The following KCNQ5 variants were observed in gnomAD, a reference collection of about 807,000 sequenced individuals.
KCNQ5 encodes the protein potassium voltage-gated channel subfamily Q member 5, also known as potassium voltage-gated channel subfamily KQT member 5.
KCNQ5 carries 30 observed loss-of-function variants against 98.2 expected under a neutral mutation model. That is an observed-to-expected ratio of 0.31 (90% CI 0.23 to 0.41). KCNQ5 has a LOEUF of 0.41. Among genes scored for constraint, KCNQ5 ranks in the 10% least tolerant of loss-of-function variants. KCNQ5 has a pLI of 1.00. For synonymous variants in KCNQ5, 458 were observed against 449.4 expected (o/e 1.02, Z -0.24); for missense variants, 835 against 1,182.5 (o/e 0.71, Z 4.31).
chr6:72,709,004 T>A (rs927358169), intron 1 of KCNQ5, among the ~76,000 whole-genome samples: 1 of 152,190 alleles, frequency 6.6e-6, no homozygotes, highest in Admixed American at 6.5e-5. Flanking sequence ...TTTTATTAAG[T>A]TACTTCTACT....
At chr6:72,805,980 TA>T (rs1481805921) in intron 1 of KCNQ5, among the ~76,000 whole-genome samples, 12 of 152,150 alleles carry the variant, frequency 7.9e-5, no homozygotes, top group Non-Finnish European at 1.8e-4. Context: ...TGTTGGCATA[TA>T]AAAGTGCTTC....
At chr6:72,672,280 TAG>T (rs1767161612) in intron 1 of KCNQ5, among the ~76,000 whole-genome samples, 1 of 152,188 alleles carries the variant, frequency 6.6e-6, no homozygotes, top group Non-Finnish European at 1.5e-5. Context: ...GTAATTTTTG[TAG>T]AGACGGAGTT....
At chr6:73,024,222 A>G (rs187423840) in intron 2 of KCNQ5, among the ~76,000 whole-genome samples, 92 of 152,284 alleles carry the variant, frequency 6.0e-4, no homozygotes, top group Admixed American at 9.8e-4. Flanking sequence ...GCAAATATCA[A>G]TATAGGAGTT....
At position 73,125,678 on chromosome 6, in the gene KCNQ5, AT is replaced by A. The variant is rs1775951975; in HGVS notation, c.1247+1168del. On this transcript the variant is annotated intron_variant, in intron 9 of 13. Coordinates refer to ENST00000370398, the MANE Select transcript of KCNQ5 (RefSeq NM_019842.4). ...AAGGCTCTGGATTATCCATTTTTGC[AT>A]TATGTTTATATGTAAAGATAAACAA... 2.0e-5 allele frequency among the ~76,000 whole-genome samples: 3 copies of A among 152,228 alleles called. No individual in the cohort carries two copies. The South Asian group carries it at 6.2e-4, about 32-fold the overall frequency.
chr6:72,642,808 C>T (rs1293177342), intron 1 of KCNQ5, among the ~76,000 whole-genome samples: 3 of 152,218 alleles, frequency 2.0e-5, no homozygotes, highest in East Asian at 1.9e-4. Flanking sequence ...CACATGTACA[C>T]GTATGTTCAT....
chr6:73,192,479 A>G (rs907024452), intron 12 of KCNQ5, 86 bp from the exon 13 acceptor site: 1 of 1,204,486 alleles, frequency 8.3e-7, no homozygotes, highest in African/African-American at 1.6e-5. Context: ...AACTGTATTT[A>G]ATTTTTTTTT....
intron 1 of KCNQ5, among the ~76,000 whole-genome samples, chr6:72,826,341 A>AT (rs1718540400): frequency 1.3e-5 from 2 of 152,274 alleles, no homozygotes; most frequent in Middle Eastern, 3.4e-3. Context: ...AACAACAGTC[A>AT]TTTTTTGTGG....
intron 1 of KCNQ5, among the ~76,000 whole-genome samples, chr6:72,982,487 C>CTTTTTTTTTTTT (rs141947372): frequency 1.7e-4 from 10 of 60,292 alleles, no homozygotes; most frequent in Non-Finnish European, 1.7e-4. Context: ...GCAACCCCTG[C>CTTTTTTTTTTTT]TTTTTTTTTT....
chr6:73,171,135 T>C (rs1294309647), intron 11 of KCNQ5, among the ~76,000 whole-genome samples: 2 of 152,098 alleles, frequency 1.3e-5, no homozygotes, highest in Admixed American at 6.5e-5. Flanking sequence ...CATAAATGTT[T>C]GTGGGGGCAA....
intron 1 of KCNQ5, among the ~76,000 whole-genome samples, chr6:72,929,410 A>T (rs1357328330): frequency 6.6e-6 from 1 of 151,134 alleles, no homozygotes; most frequent in Non-Finnish European, 1.5e-5. Flanking sequence ...GTGCACTCTC[A>T]GTTGTCTGGG....
chr6:73,150,292 A>G (rs1210174657), intron 10 of KCNQ5, among the ~76,000 whole-genome samples: 2 of 151,878 alleles, frequency 1.3e-5, no homozygotes, highest in Non-Finnish European at 2.9e-5. Flanking sequence ...TCTTAAAACT[A>G]TTCAGTTAGT....
chr6:72,956,834 C>G (rs1031173893), intron 1 of KCNQ5, among the ~76,000 whole-genome samples: 1 of 151,806 alleles, frequency 6.6e-6, no homozygotes, highest in East Asian at 1.9e-4. Context: ...GGCTTTCCCC[C>G]CTCCCACCAA....
chr6:72,998,490 C>G (rs1769407038), intron 1 of KCNQ5, among the ~76,000 whole-genome samples: 1 of 152,080 alleles, frequency 6.6e-6, no homozygotes, highest in Non-Finnish European at 1.5e-5. Context: ...AATTCCAGCA[C>G]TTTGGGAGGC....
intron 1 of KCNQ5, among the ~76,000 whole-genome samples, chr6:72,837,791 T>C (rs904750893): frequency 2.0e-5 from 3 of 152,160 alleles, no homozygotes; most frequent in Non-Finnish European, 4.4e-5. Flanking sequence ...TATATATACA[T>C]GTTATATATA....
chr6:72,684,626 A>C (rs1767862173), intron 1 of KCNQ5, among the ~76,000 whole-genome samples: 1 of 152,222 alleles, frequency 6.6e-6, no homozygotes, highest in Non-Finnish European at 1.5e-5. Flanking sequence ...ATAATGCAAG[A>C]AAAAGTGTTG....
intron 1 of KCNQ5, among the ~76,000 whole-genome samples, chr6:72,697,223 G>C (rs946797965): frequency 1.3e-5 from 2 of 152,156 alleles, no homozygotes; most frequent in African/African-American, 4.8e-5. Flanking sequence ...TTGTAGCTCA[G>C]ATAGGATGGT....
At chr6:72,650,232 G>A (rs112428488) in intron 1 of KCNQ5, among the ~76,000 whole-genome samples, 2,024 of 151,932 alleles carry the variant, frequency 0.013, 31 homozygotes, top group African/African-American at 0.042. Flanking sequence ...TCTTTTCTTT[G>A]AACTGGCTGA....
intron 3 of KCNQ5, among the ~76,000 whole-genome samples, chr6:73,057,042 A>C (rs540808422): frequency 6.6e-6 from 1 of 152,330 alleles, no homozygotes; most frequent in East Asian, 1.9e-4. Flanking sequence ...TGTTTATTGC[A>C]GCACTATTCA....
intron 1 of KCNQ5, among the ~76,000 whole-genome samples, chr6:72,660,888 A>G (rs923509717): frequency 6.6e-6 from 1 of 152,172 alleles, no homozygotes; most frequent in African/African-American, 2.4e-5. Context: ...TTATCAGACT[A>G]GTAATGATGG....
Sources: allele counts gnomAD v4.1 joint callset (sites outside exome capture counted in the v4.1 genomes callset), GRCh38; gene constraint gnomAD v4.1.1; transcripts MANE v1.5; gene names NCBI Gene and HGNC (gene_info 2026-07-23, HGNC 2026-07-21).